The following LRRC39 variants were observed in gnomAD, a reference collection of about 807,000 sequenced individuals.
The protein encoded by LRRC39 is leucine-rich repeat-containing protein 39.
A neutral mutation model predicts 39.7 loss-of-function variants in LRRC39; 35 were observed. The ratio of observed to expected loss-of-function variants is 0.88; its 90% CI spans 0.67 to 1.17. The LOEUF (loss-of-function observed/expected upper bound fraction) is 1.17, where lower values mean the gene tolerates loss of function less well. LRRC39 is among the 50% of genes most tolerant of loss of function. The pLI, the probability that LRRC39 is intolerant of heterozygous loss-of-function variation, is 0.00. For missense variants in LRRC39, 357 were observed against 385.8 expected (o/e 0.93, Z 0.62); for synonymous variants, 113 against 134.1 (o/e 0.84, Z 1.09).
intron 2 of LRRC39, among the ~76,000 whole-genome samples, chr1:100,171,505 T>TC (rs1659596812): frequency 6.9e-6 from 1 of 145,484 alleles, no homozygotes; most frequent in Non-Finnish European, 1.5e-5. Flanking sequence ...TCTTTCTTCT[T>TC]TTTTTTTTTT....
At chr1:100,156,092 A>G (rs1658423159) in intron 7 of LRRC39, 80 bp downstream of exon 7, 2 of 1,342,072 alleles carry the variant, frequency 1.5e-6, no homozygotes, top group Non-Finnish European at 1.0e-6. Context: ...TATGCTTGAG[A>G]TCCCATTTGT....
intron 2 of LRRC39, among the ~76,000 whole-genome samples, chr1:100,171,971 G>A (rs1659642491): frequency 6.6e-6 from 1 of 151,800 alleles, no homozygotes; most frequent in East Asian, 1.9e-4. Flanking sequence ...GAAGAAATGA[G>A]GCTAAAAAAT....
intron 1 of LRRC39, among the ~76,000 whole-genome samples, chr1:100,176,435 A>G (rs1161224433): frequency 1.3e-5 from 2 of 152,230 alleles, no homozygotes; most frequent in African/African-American, 4.8e-5. Context: ...TCTCAAAAAC[A>G]AACAAAAAAA....
At chr1:100,168,738 C>G in intron 2 of LRRC39, 144 bp from the exon 3 acceptor site, 1 of 416,274 alleles carries the variant, frequency 2.4e-6, no homozygotes, top group Non-Finnish European at 4.2e-6. Flanking sequence ...TTTAAAAACT[C>G]TCATAAAATA....
intron 8 of LRRC39, 135 bp from the exon 9 acceptor site, chr1:100,152,659 G>T: frequency 1.2e-6 from 1 of 842,102 alleles, no homozygotes. Context: ...GACTTGGTGA[G>T]ATGTGATATA....
chr1:100,156,444 T>C, intron 6 of LRRC39, 127 bp from the exon 7 acceptor site: 1 of 823,980 alleles, frequency 1.2e-6, no homozygotes, highest in South Asian at 3.2e-5. Context: ...TATTTAGTCA[T>C]ATTAGTCCGC....
At chr1:100,153,084 T>C (rs1395538497) in intron 8 of LRRC39, among the ~76,000 whole-genome samples, 2 of 152,166 alleles carry the variant, frequency 1.3e-5, no homozygotes, top group Non-Finnish European at 2.9e-5. Flanking sequence ...TAACATATCT[T>C]AAATATAAAA....
At chr1:100,164,638 C>G (rs1011638756) in intron 3 of LRRC39, among the ~76,000 whole-genome samples, 1 of 152,098 alleles carries the variant, frequency 6.6e-6, no homozygotes, top group African/African-American at 2.4e-5. Context: ...CTCTGTCTCA[C>G]TTTAAAAGGT....
rs760744026 is a variant in LRRC39 at position 100,152,428 on chromosome 1, A to T, written c.909T>A (p.Leu303=). Reference sequence around the variant, plus strand: ...CTTGTATGTATGTGTGCATAAACTGAAGGCCAAATAATTCCCGTTCCTCTT... The same window carrying T: ...CTTGTATGTATGTGTGCATAAACTGTAGGCCAAATAATTCCCGTTCCTCTT... ...DEEEERELFG[L]QFMHTYIQES... is the part of the protein sequence containing the mutation. The change falls in exon 9 of 10, where the codon CTT becomes CTA. Residue 303 remains leucine (L), a synonymous_variant. Coordinates refer to ENST00000370137, the MANE Select transcript of LRRC39 (RefSeq NM_144620.4). 2.5e-6 allele frequency: 4 copies of T among 1,613,844 alleles called. No individual in the cohort carries two copies. The highest frequency in any genetic ancestry group is 8.5e-7 in the Non-Finnish European group (1 of 1,180,000).
At chr1:100,158,203 C>G in intron 6 of LRRC39, 28 bp downstream of exon 6, 2 of 1,605,276 alleles carry the variant, frequency 1.2e-6, no homozygotes, top group Non-Finnish European at 1.7e-6. Flanking sequence ...ATGGAAAATA[C>G]AATCATAGGC....
At chr1:100,152,606 A>G in intron 8 of LRRC39, 82 bp from the exon 9 acceptor site, 6 of 1,415,250 alleles carry the variant, frequency 4.2e-6, no homozygotes, top group Non-Finnish European at 5.8e-6. Flanking sequence ...TCAAATGATA[A>G]TATACTAAAT....
intron 1 of LRRC39, among the ~76,000 whole-genome samples, chr1:100,177,505 C>T (rs189851391): frequency 2.0e-5 from 3 of 152,144 alleles, no homozygotes; most frequent in Non-Finnish European, 2.9e-5. Context: ...GAACAGAATG[C>T]GAGATCTCTT....
chr1:100,179,499 C>CAAAAAAAAA (rs60588308), upstream of LRRC39, among the ~76,000 whole-genome samples: 14 of 45,598 alleles, frequency 3.1e-4, no homozygotes, highest in East Asian at 8.0e-4. Flanking sequence ...CTGTATCTAC[C>CAAAAAAAAA]AAAAAAAAAA....
chr1:100,163,720 T>C (rs1659046290), intron 3 of LRRC39, among the ~76,000 whole-genome samples: 2 of 151,972 alleles, frequency 1.3e-5, no homozygotes, highest in Admixed American at 1.3e-4. Context: ...GGTGTGAAGC[T>C]GCTTATTTTA....
At chr1:100,174,110 C>T (rs1410448551) in intron 1 of LRRC39, among the ~76,000 whole-genome samples, 2 of 152,064 alleles carry the variant, frequency 1.3e-5, no homozygotes, top group African/African-American at 2.4e-5. Flanking sequence ...TCTAAGGATA[C>T]AAAATAGCCC....
At chr1:100,164,445 G>C (rs1048396745) in intron 3 of LRRC39, among the ~76,000 whole-genome samples, 1 of 152,138 alleles carries the variant, frequency 6.6e-6, no homozygotes, top group Non-Finnish European at 1.5e-5. Flanking sequence ...TCCTACTCCA[G>C]ACTTACTAAC....
At chr1:100,159,606 C>T (rs201698735) in intron 4 of LRRC39, among the ~76,000 whole-genome samples, 191 bp from the exon 5 acceptor site, 57 of 41,242 alleles carry the variant, frequency 1.4e-3, no homozygotes, top group African/African-American at 2.9e-3. Flanking sequence ...TTTTCTTTTC[C>T]TTTTTTTTTT....
intron 3 of LRRC39, among the ~76,000 whole-genome samples, chr1:100,166,404 C>T (rs1659247886): frequency 6.6e-6 from 1 of 152,130 alleles, no homozygotes; most frequent in Admixed American, 6.5e-5. Flanking sequence ...TGTTCAATGG[C>T]TTTGACCAAA....
chr1:100,171,179 G>T (rs1659571733), intron 2 of LRRC39, among the ~76,000 whole-genome samples: 1 of 152,122 alleles, frequency 6.6e-6, no homozygotes, highest in Non-Finnish European at 1.5e-5. Flanking sequence ...TTAGCAATTG[G>T]TTGCACAAGC....
Sources: allele counts gnomAD v4.1 joint callset (sites outside exome capture counted in the v4.1 genomes callset), GRCh38; gene constraint gnomAD v4.1.1; transcripts MANE v1.5; gene names NCBI Gene and HGNC (gene_info 2026-07-23, HGNC 2026-07-21).